MORN5: variants seen among roughly 807,000 people sequenced by gnomAD.
The protein encoded by MORN5 is MORN repeat-containing protein 5.
In MORN5, 21 loss-of-function variants were observed where a neutral mutation model predicts 22.1. The ratio of observed to expected loss-of-function variants is 0.95; its 90% CI spans 0.67 to 1.37. The LOEUF is 1.37. MORN5 is among the 40% of genes most tolerant of loss of function. The probability of loss-of-function intolerance (pLI) is 0.00; values close to 1 mark genes in which losing one functional copy is unlikely to be tolerated. For synonymous variants in MORN5, 73 were observed against 74.0 expected (o/e 0.99, Z 0.07); for missense variants, 211 against 215.1 (o/e 0.98, Z 0.12).
chr9:122,171,097 A>G (rs942030200), intron 3 of MORN5, among the ~76,000 whole-genome samples: 1 of 152,224 alleles, frequency 6.6e-6, no homozygotes, highest in Non-Finnish European at 1.5e-5. Context: ...AACAATCCCA[A>G]CTTAGCTTAT....
intron 4 of MORN5, among the ~76,000 whole-genome samples, chr9:122,178,726 G>T (rs560624307): frequency 1.3e-5 from 2 of 152,108 alleles, no homozygotes; most frequent in African/African-American, 2.4e-5. Context: ...TACCAGTAGG[G>T]TGATCAAAAC....
Position 122,179,179 on chromosome 9 carries a change from G to A in MORN5, c.439+4552G>A, listed in dbSNP as rs189460939. On this transcript the variant is annotated intron_variant, in intron 4 of 4. Transcript: ENST00000373764. The stretch of plus-strand genomic sequence containing the variant: ...GGAGAAGACATGTCATAAATAGGGA[G>A]CTCCAAGTAATTCAGGGGCATGAGC... 5.4e-3 allele frequency among the ~76,000 whole-genome samples: 821 copies of A among 152,256 alleles called. 3 individuals are homozygous for A. Among genetic ancestry groups the A allele is most frequent in the Non-Finnish European group, 7.3e-3 (497 of 68,028 alleles).
At chr9:122,199,783 G>T in intron 4 of MORN5, 102 bp from the exon 5 acceptor site, 1 of 1,060,130 alleles carries the variant, frequency 9.4e-7, no homozygotes, top group South Asian at 1.3e-5. Flanking sequence ...ACTGGCCATC[G>T]ACGGACCATC....
At position 122,166,757 on chromosome 9, in the gene MORN5, T is replaced by G; in HGVS notation, c.48-11T>G. The G allele has an allele frequency of 6.2e-7, 1 of 1,611,164 alleles. No individual in the cohort carries two copies. The highest frequency in any genetic ancestry group is 8.5e-7 in the Non-Finnish European group (1 of 1,178,430). On this transcript the variant is annotated splice_polypyrimidine_tract_variant and intron_variant, in intron 1 of 4. Coordinates refer to ENST00000373764, the MANE Select transcript of MORN5 (RefSeq NM_198469.4). ...CACACAGGGCTCAGTGATTTCCCTG[T>G]GTCTTTACAGGATGGAGGGCAAAGC...
chr9:122,181,410 A>G (rs1829537323), intron 4 of MORN5, among the ~76,000 whole-genome samples: 1 of 152,186 alleles, frequency 6.6e-6, no homozygotes, highest in African/African-American at 2.4e-5. Context: ...AATGACAGAC[A>G]TGTGATAGTG....
At position 122,181,958 on chromosome 9, in the gene MORN5, G is replaced by A. The variant is rs186707264; in HGVS notation, c.439+7331G>A. ...GAGAAAGAAGTGAGTTAGAGCCTGGGATTTGTTAAGCTTTCTCTAGGTGCC... is the reference window on the plus strand; with the variant it reads ...GAGAAAGAAGTGAGTTAGAGCCTGGAATTTGTTAAGCTTTCTCTAGGTGCC... On this transcript the variant is annotated intron_variant, in intron 4 of 4. Coordinates refer to ENST00000373764, the MANE Select transcript of MORN5 (RefSeq NM_198469.4). 6.6e-5 allele frequency among the ~76,000 whole-genome samples: 10 copies of A among 152,334 alleles called. No individual in the cohort carries two copies. The East Asian group carries it at 1.9e-3, about 29-fold the overall frequency.
intron 1 of MORN5, among the ~76,000 whole-genome samples, chr9:122,161,171 C>T (rs7850789): frequency 0.12 from 18,004 of 152,072 alleles, 3,647 homozygotes; most frequent in African/African-American, 0.41. Context: ...TGCTAGTTGT[C>T]GGGACTGTGA....
chr9:122,190,104 T>C (rs908418503), intron 4 of MORN5, among the ~76,000 whole-genome samples: 3 of 151,714 alleles, frequency 2.0e-5, no homozygotes, highest in Non-Finnish European at 2.9e-5. Flanking sequence ...TTAATGAGGA[T>C]TGCATGATGG....
chr9:122,160,747 T>C lies in MORN5; in HGVS notation c.47+728T>C, dbSNP rs143023119. 3.5e-3 allele frequency among the ~76,000 whole-genome samples: 530 copies of C among 152,214 alleles called. 4 individuals carry two copies. The highest frequency in any genetic ancestry group is 0.01 in the African/African-American group (428 of 41,534). ...TTCCCACCTCAGCCTCCCAAGTAGC[T>C]GAGACTACCGGTGTGCACCACTACC... is the stretch of plus-strand genomic sequence containing the variant. On this transcript the variant is annotated intron_variant, in intron 1 of 4. Transcript: ENST00000373764.
intron 4 of MORN5, among the ~76,000 whole-genome samples, chr9:122,176,148 A>T (rs546871480): frequency 4.6e-5 from 7 of 151,206 alleles, no homozygotes; most frequent in Non-Finnish European, 1.0e-4. Flanking sequence ...GAGCAAGGAG[A>T]ATTGTCAGCT....
chr9:122,185,922 C>T (rs1200538852), intron 4 of MORN5, among the ~76,000 whole-genome samples: 1 of 152,206 alleles, frequency 6.6e-6, no homozygotes, highest in Non-Finnish European at 1.5e-5. Flanking sequence ...TCCCCCACAG[C>T]CTCCTCCCGC....
chr9:122,166,280 T>TTATATATATATATATATATA (rs145965768), intron 1 of MORN5, among the ~76,000 whole-genome samples: 12 of 149,748 alleles, frequency 8.0e-5, no homozygotes, highest in African/African-American at 2.8e-4. Flanking sequence ...GTATCCAAGA[T>TTATATATATATATATATATA]TATATATATA....
At chr9:122,195,044 G>A (rs997750851) in intron 4 of MORN5, among the ~76,000 whole-genome samples, 3 of 150,634 alleles carry the variant, frequency 2.0e-5, no homozygotes, top group Admixed American at 2.0e-4. Flanking sequence ...AGGCAAATAA[G>A]TATAGATTCA....
At chr9:122,198,774 G>A (rs1334810546) in intron 4 of MORN5, among the ~76,000 whole-genome samples, 1 of 152,216 alleles carries the variant, frequency 6.6e-6, no homozygotes, top group Non-Finnish European at 1.5e-5. Flanking sequence ...AGAGGAAAAT[G>A]TGACGGAAGC....
At chr9:122,182,199 T>C (rs1167259956) in intron 4 of MORN5, among the ~76,000 whole-genome samples, 8 of 152,200 alleles carry the variant, frequency 5.3e-5, no homozygotes, top group African/African-American at 1.7e-4. Context: ...CTGGCATTCA[T>C]TGATAAACAC....
chr9:122,196,233 A>T (rs971226375), intron 4 of MORN5, among the ~76,000 whole-genome samples: 1 of 152,122 alleles, frequency 6.6e-6, no homozygotes, highest in Non-Finnish European at 1.5e-5. Flanking sequence ...TGTTGGGAGT[A>T]CAGTTATGAG....
At chr9:122,180,833 C>A (rs180734029) in intron 4 of MORN5, among the ~76,000 whole-genome samples, 7 of 152,302 alleles carry the variant, frequency 4.6e-5, no homozygotes, top group African/African-American at 1.4e-4. Flanking sequence ...CTATCTCCCC[C>A]ACAAGTCTGG....
chr9:122,170,044 T>A (rs573163019), intron 3 of MORN5, among the ~76,000 whole-genome samples: 3 of 152,164 alleles, frequency 2.0e-5, no homozygotes, highest in African/African-American at 4.8e-5. Context: ...ATGCCTGTAA[T>A]CCCAGCACTT....
At chr9:122,161,276 A>T (rs1238011334) in intron 1 of MORN5, among the ~76,000 whole-genome samples, 1 of 152,188 alleles carries the variant, frequency 6.6e-6, no homozygotes, top group African/African-American at 2.4e-5. Flanking sequence ...CTGGACAGGG[A>T]TAGGAGATAG....
Sources: allele counts gnomAD v4.1 joint callset (sites outside exome capture counted in the v4.1 genomes callset), GRCh38; gene constraint gnomAD v4.1.1; transcripts MANE v1.5; gene names NCBI Gene and HGNC (gene_info 2026-07-23, HGNC 2026-07-21).